Variants in ELF4 observed in about 807,000 individuals in gnomAD.
ELF4 encodes the protein ETS-related transcription factor Elf-4.
In ELF4, 10 loss-of-function variants were observed where a neutral mutation model predicts 31.7. The ratio of observed to expected loss-of-function variants is 0.32; its 90% CI spans 0.19 to 0.54. The LOEUF (loss-of-function observed/expected upper bound fraction) is 0.54. ELF4 is among the 20% of genes least tolerant of loss of function. The pLI is 0.95. For missense variants in ELF4, 418 were observed against 522.0 expected (o/e 0.80, Z 1.94); for synonymous variants, 208 against 226.7 (o/e 0.92, Z 0.74).
intron 1 of ELF4, among the ~76,000 whole-genome samples, chrX:130,082,680 G>C (rs767574239): frequency 1.8e-5 from 2 of 111,586 alleles, no homozygotes; most frequent in Admixed American, 1.9e-4. Flanking sequence ...GCGTGTTGTG[G>C]GTGGTCACAC....
Position 130,071,363 on chromosome X carries a change from T to G in ELF4, c.589A>C (p.Ile197Leu), listed in dbSNP as rs769508311. The change falls in exon 6 of 9, where the codon ATT (isoleucine) becomes CTT (leucine). Residue 197 changes from isoleucine (I) to leucine (L), a missense_variant. This residue lies in a region of ELF4 where 88 missense variants were observed against 92.4 expected (regional missense o/e 0.95). Coordinates refer to ENST00000308167, the MANE Select transcript of ELF4 (RefSeq NM_001421.4). ...TTGCCATCCTTTGATTTCTTCCTAATGGGGATGCTGGGGTCAGTGACAGGT... is the reference window on the plus strand; with the variant it reads ...TTGCCATCCTTTGATTTCTTCCTAAGGGGGATGCTGGGGTCAGTGACAGGT... ...TSPVTDPSIP[I>L]RKKSKDGKGS... The G allele has an allele frequency of 3.3e-6, 4 of 1,210,168 alleles. No homozygotes were observed. In the African/African-American group the frequency reaches 7.0e-5, roughly 21 times the overall value.
intron 1 of ELF4, among the ~76,000 whole-genome samples, chrX:130,092,520 C>T (rs760765786): frequency 7.1e-5 from 8 of 112,625 alleles, no homozygotes; most frequent in Non-Finnish European, 1.3e-4. Context: ...GAGATTGGGG[C>T]TCTCTTGCTA....
At position 130,067,481 on chromosome X, in the gene ELF4, A is replaced by C. The variant is rs769191652; in HGVS notation, c.1232T>G (p.Val411Gly). ...PSNIHLGVAP[V>G]GSGSALTLQT... ...CAGGGTCAGGGCCGAGCCCGACCCC[A>C]CGGGGGCCACTCCTAGGTGGATGTT... Residue 411 changes from valine to glycine, a missense_variant, in exon 9 of 9, where the codon GTG (valine) becomes GGG (glycine). Physicochemically the swap from Val to Gly is moderately radical, Grantham distance 109. Transcript: ENST00000308167. 1 of 1,211,929 alleles carries C rather than the reference A, an allele frequency of 8.3e-7. No individual in the cohort carries two copies. Among genetic ancestry groups the C allele is most frequent in the East Asian group, 3.0e-5 (1 of 33,857 alleles).
intron 8 of ELF4, among the ~76,000 whole-genome samples, chrX:130,068,929 G>GA (rs1260897083): frequency 8.9e-6 from 1 of 112,022 alleles, no homozygotes; most frequent in Non-Finnish European, 1.9e-5. Flanking sequence ...GCAAGAAGTT[G>GA]AAAACTGAGC....
intron 1 of ELF4, among the ~76,000 whole-genome samples, chrX:130,094,108 T>G (rs1933105781): frequency 9.0e-6 from 1 of 111,634 alleles, no homozygotes; most frequent in Non-Finnish European, 1.9e-5. Flanking sequence ...GGCTCACGCC[T>G]GTAATCTCAG....
At chrX:130,075,261 G>C (rs1402250057) in intron 2 of ELF4, among the ~76,000 whole-genome samples, 1 of 92,842 alleles carries the variant, frequency 1.1e-5, no homozygotes, top group African/African-American at 4.2e-5. Flanking sequence ...GAGCCACCAT[G>C]CCCAGCCAAG....
In ELF4 at chrX:130,067,190, C is replaced by G; in HGVS notation, c.1523G>C (p.Gly508Ala). The change falls in exon 9 of 9, where the codon GGA (glycine) becomes GCA (alanine). Residue 508 changes from glycine (G) to alanine (A), a missense_variant. By Grantham distance (60) the Gly-to-Ala change is moderately conservative. This residue lies in a region of ELF4 where 260 missense variants were observed against 269.2 expected (regional missense o/e 0.97). Transcript: ENST00000308167. Reference sequence around the variant, plus strand: ...GGGCTGAGAGCTGGGCCCTGCTGGTCCAGCCCCTGTGACCGTGGGTGGCGC... The same window carrying G: ...GGGCTGAGAGCTGGGCCCTGCTGGTGCAGCCCCTGTGACCGTGGGTGGCGC... ...NPAPPTVTGA[G>A]PAGPSSQPPG... is the part of the protein sequence containing the mutation. 1 of 1,209,301 alleles carries G rather than the reference C, an allele frequency of 8.3e-7. No individual in the cohort carries two copies. Among genetic ancestry groups the G allele is most frequent in the East Asian group, 3.0e-5 (1 of 33,818 alleles).
Position 130,066,766 on chromosome X carries a change from T to TG in ELF4, c.1946dup (p.Phe650IlefsTer8). 8.3e-7 allele frequency: 1 copy of TG among 1,209,039 alleles called. No homozygotes were observed. The highest frequency in any genetic ancestry group is 1.7e-5 in the African/African-American group (1 of 57,497). On this transcript the variant is annotated frameshift_variant, in exon 9 of 9. Coordinates refer to ENST00000308167, the MANE Select transcript of ELF4 (RefSeq NM_001421.4). LOFTEE classifies it high-confidence loss of function. Reference sequence around the variant, plus strand: ...TCTTAATGAGGGAAGTAGGGTTGAATGGGGAGAAAGGGGCTGGGGTGGGGG... The same window carrying TG: ...TCTTAATGAGGGAAGTAGGGTTGAATGGGGGAGAAAGGGGCTGGGGTGGGGG...
intron 1 of ELF4, among the ~76,000 whole-genome samples, chrX:130,089,508 T>A (rs1382229674): frequency 1.8e-3 from 2 of 1,106 alleles, no homozygotes; most frequent in African/African-American, 3.3e-3. Flanking sequence ...AGACCTCAGC[T>A]CAAAAAAAAA....
chrX:130,089,509 CAAAAAAAAAAA>C (rs777456574), intron 1 of ELF4, among the ~76,000 whole-genome samples: 1 of 19,459 alleles, frequency 5.1e-5, no homozygotes, highest in African/African-American at 2.9e-4. Context: ...GACCTCAGCT[CAAAAAAAAAAA>C]AAAAAAAAAA....
chrX:130,087,486 T>C (rs1347145898), intron 1 of ELF4, among the ~76,000 whole-genome samples: 5 of 112,730 alleles, frequency 4.4e-5, no homozygotes, highest in Non-Finnish European at 9.4e-5. Flanking sequence ...GTGTTTTTCT[T>C]TTTTTATTTT....
At chrX:130,069,908 C>G (rs1932765003) in intron 7 of ELF4, among the ~76,000 whole-genome samples, 1 of 112,369 alleles carries the variant, frequency 8.9e-6, no homozygotes, top group African/African-American at 3.2e-5. Flanking sequence ...CAAAGGATCA[C>G]AAAAGGTTTT....
intron 7 of ELF4, among the ~76,000 whole-genome samples, chrX:130,069,999 T>C (rs1429691201): frequency 8.9e-6 from 1 of 111,966 alleles, no homozygotes; most frequent in Non-Finnish European, 1.9e-5. Context: ...AGTGAGGGGA[T>C]GGATGGCGGG....
chrX:130,090,808 A>T (rs5977207), intron 1 of ELF4, among the ~76,000 whole-genome samples: 17,511 of 111,170 alleles, frequency 0.16, 1,231 homozygotes, highest in African/African-American at 0.26. Context: ...ACATATAGTG[A>T]TTTTTTAATA....
Position 130,064,841 on chromosome X carries a change from C to T in ELF4, c.*1880G>A, listed in dbSNP as rs759297052. 1.1e-4 allele frequency: 15 copies of T among 135,510 alleles called. No individual in the cohort carries two copies. In the East Asian group the frequency reaches 1.7e-3, roughly 15 times the overall value. The allele number at this position is 135,510 out of a possible 1,213,427, so 11.2% of individuals were successfully genotyped here. ...AACCAGTTTTCAGGTGGGGGCGGGG[C>T]TACCCCAACCCATGCAGCACCTTTA... On this transcript the variant is annotated 3_prime_UTR_variant, in exon 9 of 9. Coordinates refer to ENST00000308167, the MANE Select transcript of ELF4 (RefSeq NM_001421.4).
chrX:130,068,473 T>C (rs1412367999), intron 8 of ELF4, among the ~76,000 whole-genome samples: 4 of 112,014 alleles, frequency 3.6e-5, no homozygotes, highest in Non-Finnish European at 7.5e-5. Context: ...CATTCCACTC[T>C]ACTGCCTGCC....
intron 2 of ELF4, among the ~76,000 whole-genome samples, chrX:130,076,574 G>A (rs1017723828): frequency 9.0e-6 from 1 of 111,076 alleles, no homozygotes; most frequent in African/African-American, 3.3e-5. Flanking sequence ...TGGGATTACC[G>A]GCGCCTGCCA....
chrX:130,100,680 T>C (rs1269477418), intron 1 of ELF4, among the ~76,000 whole-genome samples: 1 of 111,897 alleles, frequency 8.9e-6, no homozygotes, highest in Non-Finnish European at 1.9e-5. Flanking sequence ...TAAGCCCCCA[T>C]GACCCTTAAA....
intron 1 of ELF4, among the ~76,000 whole-genome samples, 173 bp from the exon 2 acceptor site, chrX:130,081,712 A>G (rs1932890476): frequency 1.8e-5 from 2 of 112,585 alleles, no homozygotes; most frequent in Non-Finnish European, 3.8e-5. Context: ...GAAAGAGGTC[A>G]GGGAAAGAAA....
Sources: gnomAD v4.1 joint callset for allele counts (sites outside exome capture counted in the v4.1 genomes callset) on GRCh38, gnomAD v4.1.1 for gene constraint, gnomAD v4.1.1 regional missense constraint, MANE v1.5 for transcripts, NCBI Gene and HGNC (gene_info 2026-07-23, HGNC 2026-07-21) for gene names.